The following BMPR1B variants were observed in gnomAD, a reference collection of about 807,000 sequenced individuals.
The protein encoded by BMPR1B is bone morphogenetic protein receptor type-1B.
Under a neutral mutation model 59.1 loss-of-function variants are expected in BMPR1B, and 12 were observed. The observed-to-expected ratio is 0.20, with a 90% CI of 0.13 to 0.33. BMPR1B has a LOEUF of 0.33. Ranked by LOEUF, BMPR1B falls within the 10% of genes least tolerant of loss-of-function variation. The probability of loss-of-function intolerance (pLI) is 1.00; values close to 1 mark genes in which losing one functional copy is unlikely to be tolerated. For missense variants in BMPR1B, 550 were observed against 610.9 expected (o/e 0.90, Z 1.05); for synonymous variants, 237 against 207.3 (o/e 1.14, Z -1.23).
At chr4:94,927,788 C>G (rs1030530635) in intron 2 of BMPR1B, among the ~76,000 whole-genome samples, 1 of 152,078 alleles carries the variant, frequency 6.6e-6, no homozygotes, top group East Asian at 1.9e-4. Flanking sequence ...AGTTGGGACT[C>G]TGCTTAGGAA....
chr4:95,152,019 A>G (rs890806433), intron 11 of BMPR1B, among the ~76,000 whole-genome samples: 22 of 152,302 alleles, frequency 1.4e-4, no homozygotes, highest in Middle Eastern at 3.4e-3. Flanking sequence ...TTAACAATAC[A>G]TATTTTTTCT....
intron 2 of BMPR1B, among the ~76,000 whole-genome samples, chr4:94,952,956 A>AT (rs1730004553): frequency 6.6e-6 from 1 of 152,232 alleles, no homozygotes; most frequent in Non-Finnish European, 1.5e-5. Flanking sequence ...TATTGGGTGC[A>AT]TATATATTTA....
chr4:94,946,707 C>T (rs1729721916), intron 2 of BMPR1B, among the ~76,000 whole-genome samples: 1 of 152,122 alleles, frequency 6.6e-6, no homozygotes, highest in Non-Finnish European at 1.5e-5. Context: ...TATTCCCTTT[C>T]AGTTGCTGTA....
intron 2 of BMPR1B, among the ~76,000 whole-genome samples, chr4:94,981,004 C>CGCGTGCGT (rs6148577): frequency 1.2e-4 from 14 of 120,894 alleles, no homozygotes; most frequent in African/African-American, 4.1e-4. Context: ...CACACACACA[C>CGCGTGCGT]ACACACACAC....
rs747297973 is a variant in BMPR1B at position 95,124,966 on chromosome 4, C to A, written c.447-17C>A. Reference sequence around the variant, plus strand: ...GCATTTCATTATCTAAAATTATCTTCATCTATCCATCTTTAGGTATAAAAG... The same window carrying A: ...GCATTTCATTATCTAAAATTATCTTAATCTATCCATCTTTAGGTATAAAAG... On this transcript the variant is annotated splice_polypyrimidine_tract_variant and intron_variant, in intron 7 of 12. Transcript: ENST00000515059. 3.1e-6 allele frequency: 5 copies of A among 1,605,798 alleles called. No individual in the cohort carries two copies. Among genetic ancestry groups the A allele is most frequent in the Non-Finnish European group, 4.3e-6 (5 of 1,172,702 alleles).
intron 3 of BMPR1B, chr4:95,051,703 G>C (rs1443554777): frequency 6.5e-7 from 1 of 1,535,562 alleles, no homozygotes; most frequent in Non-Finnish European, 8.7e-7. Flanking sequence ...TGCTGCAATG[G>C]GTTGGCTGGA....
At chr4:95,091,942 A>G (rs1327800902) in intron 3 of BMPR1B, among the ~76,000 whole-genome samples, 1 of 152,036 alleles carries the variant, frequency 6.6e-6, no homozygotes, top group Non-Finnish European at 1.5e-5. Context: ...GCCCCTACAC[A>G]TTTTCAACAC....
intron 2 of BMPR1B, among the ~76,000 whole-genome samples, chr4:94,957,783 T>C (rs1730210036): frequency 6.6e-6 from 1 of 152,204 alleles, no homozygotes; most frequent in Admixed American, 6.5e-5. Context: ...GATTGTAAGA[T>C]GTATCTTTTT....
chr4:94,931,995 T>C (rs1729111286), intron 2 of BMPR1B, among the ~76,000 whole-genome samples: 1 of 152,108 alleles, frequency 6.6e-6, no homozygotes, highest in African/African-American at 2.4e-5. Flanking sequence ...TCCACTGTCA[T>C]GGTGTTCGCA....
intron 11 of BMPR1B, among the ~76,000 whole-genome samples, chr4:95,151,333 A>C (rs922147990): frequency 1.3e-5 from 2 of 152,172 alleles, no homozygotes; most frequent in South Asian, 2.1e-4. Context: ...CCATCAGTCC[A>C]TCCACCAGCG....
At chr4:94,762,188 C>G (rs1239079235) in intron 1 of BMPR1B, among the ~76,000 whole-genome samples, 2 of 152,100 alleles carry the variant, frequency 1.3e-5, no homozygotes, top group African/African-American at 4.8e-5. Flanking sequence ...TGTTTGAATG[C>G]CTACTCTGTG....
chr4:95,027,492 G>A lies in BMPR1B; in HGVS notation c.-18+31358G>A, dbSNP rs137914491. On this transcript the variant is annotated intron_variant, in intron 3 of 12. Coordinates refer to ENST00000515059, the MANE Select transcript of BMPR1B (RefSeq NM_001203.3). ...TTTTGAACTGGATGATAAATGCCGA[G>A]CCATCATGTCAAGCCTATTCTGAAG... 2.8e-4 allele frequency among the ~76,000 whole-genome samples: 42 copies of A among 152,236 alleles called. No individual in the cohort carries two copies. In the East Asian group the frequency reaches 6.4e-3, roughly 23 times the overall value.
intron 1 of BMPR1B, among the ~76,000 whole-genome samples, chr4:94,791,807 C>T (rs924993154): frequency 2.0e-5 from 3 of 152,100 alleles, no homozygotes; most frequent in East Asian, 1.9e-4. Context: ...TTCTTCCTTA[C>T]GCTCCCTCTC....
intron 2 of BMPR1B, among the ~76,000 whole-genome samples, chr4:94,972,160 A>G (rs1029728952): frequency 1.3e-4 from 20 of 151,748 alleles, no homozygotes; most frequent in Non-Finnish European, 2.9e-4. Context: ...AAGGAAAACT[A>G]TAATCAATTC....
intron 1 of BMPR1B, among the ~76,000 whole-genome samples, chr4:94,781,570 C>A (rs138440693): frequency 6.6e-6 from 1 of 152,012 alleles, no homozygotes; most frequent in Non-Finnish European, 1.5e-5. Flanking sequence ...CCACCACGCA[C>A]CTGGCTAATT....
intron 3 of BMPR1B, among the ~76,000 whole-genome samples, chr4:95,081,788 T>C (rs145795570): frequency 3.3e-4 from 50 of 152,266 alleles, no homozygotes; most frequent in African/African-American, 1.0e-3. Context: ...TAACTACATG[T>C]CTGTGTGAGA....
At chr4:94,974,996 A>C (rs1348069244) in intron 2 of BMPR1B, among the ~76,000 whole-genome samples, 2 of 152,200 alleles carry the variant, frequency 1.3e-5, no homozygotes, top group Non-Finnish European at 2.9e-5. Flanking sequence ...ATAGCCCAAG[A>C]TATAGCCAGG....
intron 3 of BMPR1B, among the ~76,000 whole-genome samples, chr4:95,088,277 T>G (rs749124426): frequency 6.6e-5 from 10 of 152,184 alleles, no homozygotes; most frequent in Non-Finnish European, 1.0e-4. Context: ...ATGTCATAAC[T>G]AATGGTCTCT....
intron 2 of BMPR1B, among the ~76,000 whole-genome samples, chr4:94,914,583 G>A (rs1728411626): frequency 6.6e-6 from 1 of 152,074 alleles, no homozygotes. Context: ...AGGGAGTTGA[G>A]GAATCACTGA....
Sources: gnomAD v4.1 joint callset for allele counts (sites outside exome capture counted in the v4.1 genomes callset) on GRCh38, gnomAD v4.1.1 for gene constraint, MANE v1.5 for transcripts, NCBI Gene and HGNC (gene_info 2026-07-23, HGNC 2026-07-21) for gene names.